RHOT1: variants seen among roughly 807,000 people sequenced by gnomAD.
RHOT1 encodes the protein ras homolog family member T1.
In RHOT1, 27 loss-of-function variants were observed where a neutral mutation model predicts 95.3. That is an observed-to-expected ratio of 0.28 (90% CI 0.21 to 0.39). RHOT1 has a LOEUF of 0.39. Among genes scored for constraint, RHOT1 ranks in the 10% least tolerant of loss-of-function variants. RHOT1 has a pLI of 1.00. For synonymous variants in RHOT1, 227 were observed against 263.5 expected (o/e 0.86, Z 1.34); for missense variants, 578 against 786.7 (o/e 0.73, Z 3.17).
intron 1 of RHOT1, among the ~76,000 whole-genome samples, chr17:32,168,849 G>C (rs1261237383): frequency 6.6e-6 from 1 of 151,962 alleles, no homozygotes; most frequent in Non-Finnish European, 1.5e-5. Context: ...ACTGTCTCTG[G>C]ATCCCAGATT....
intron 18 of RHOT1, chr17:32,209,546 T>C (rs1056720608): frequency 7.1e-6 from 5 of 701,314 alleles, no homozygotes; most frequent in Non-Finnish European, 9.7e-6. Flanking sequence ...TTAGTAATTA[T>C]GTAGAAACGC....
At chr17:32,218,093 C>T (rs1204554033) in intron 19 of RHOT1, among the ~76,000 whole-genome samples, 1 of 151,910 alleles carries the variant, frequency 6.6e-6, no homozygotes, top group Admixed American at 6.6e-5. Flanking sequence ...GAACTCCTAA[C>T]CTCATGTGAT....
intron 1 of RHOT1, chr17:32,160,084 C>T (rs2033393423): frequency 6.6e-6 from 1 of 152,272 alleles, no homozygotes; most frequent in Non-Finnish European, 1.5e-5. Flanking sequence ...AGGAACTACC[C>T]TCTCTGCTGA....
chr17:32,194,532 C>T (rs1000858574), intron 11 of RHOT1, among the ~76,000 whole-genome samples: 3 of 152,112 alleles, frequency 2.0e-5, no homozygotes, highest in African/African-American at 7.2e-5. Flanking sequence ...GAGAAATTGC[C>T]GAATGTACCC....
chr17:32,163,850 C>T (rs1051107034), intron 1 of RHOT1, among the ~76,000 whole-genome samples: 1 of 151,934 alleles, frequency 6.6e-6, no homozygotes, highest in Non-Finnish European at 1.5e-5. Context: ...CAGTGGTATC[C>T]CCAGGATGAA....
chr17:32,148,004 G>A (rs1459319261), intron 1 of RHOT1, among the ~76,000 whole-genome samples: 3 of 152,154 alleles, frequency 2.0e-5, no homozygotes, highest in East Asian at 1.9e-4. Context: ...AGTGGCTCAC[G>A]CCTGTAATCC....
chr17:32,203,269 C>CTTTTTTTTTTTTTTTTTT (rs940216011), intron 15 of RHOT1, among the ~76,000 whole-genome samples: 11 of 72,328 alleles, frequency 1.5e-4, no homozygotes, highest in Non-Finnish European at 2.3e-4. Flanking sequence ...TCTTCTTCTT[C>CTTTTTTTTTTTTTTTTTT]TTTTTTTTTT....
At chr17:32,149,631 A>ATGTGTGTGTGTGTGTGTGTGTGTG (rs1417047494) in intron 1 of RHOT1, among the ~76,000 whole-genome samples, 3 of 88,166 alleles carry the variant, frequency 3.4e-5, no homozygotes, top group African/African-American at 4.8e-5. Flanking sequence ...ATATATATAT[A>ATGTGTGTGTGTGTGTGTGTGTGTG]TATATGTGTG....
At chr17:32,219,041 G>A (rs1414477817) in intron 19 of RHOT1, among the ~76,000 whole-genome samples, 1 of 152,068 alleles carries the variant, frequency 6.6e-6, no homozygotes, top group Non-Finnish European at 1.5e-5. Context: ...AAAATTAGAA[G>A]ACCATTCACA....
chr17:32,193,046 A>AT (rs1469757482), intron 9 of RHOT1, 90 bp from the exon 10 acceptor site: 1 of 767,688 alleles, frequency 1.3e-6, no homozygotes, highest in Admixed American at 2.8e-5. Context: ...CAATTCATGG[A>AT]TTTAATATTG....
At chr17:32,160,808 G>A (rs1383815511) in intron 1 of RHOT1, among the ~76,000 whole-genome samples, 1 of 152,204 alleles carries the variant, frequency 6.6e-6, no homozygotes, top group African/African-American at 2.4e-5. Flanking sequence ...TCACCACTTT[G>A]TGCCTGGCTC....
chr17:32,167,133 C>G (rs944577556), intron 1 of RHOT1, among the ~76,000 whole-genome samples: 2 of 152,124 alleles, frequency 1.3e-5, no homozygotes, highest in African/African-American at 4.8e-5. Context: ...CCTTGTACGT[C>G]TCCATCTGAG....
chr17:32,182,923 G>GTTTTAA, intron 7 of RHOT1, 58 bp downstream of exon 7: 1 of 1,086,040 alleles, frequency 9.2e-7, no homozygotes. Flanking sequence ...CTAAATTCGG[G>GTTTTAA]TTTTAAATAG....
At chr17:32,179,675 A>G (rs1436552090) in intron 6 of RHOT1, 1 of 77,346 alleles carries the variant, frequency 1.3e-5, no homozygotes, top group Non-Finnish European at 2.5e-5. Flanking sequence ...CCGGCCGCCC[A>G]TCATCTGGGA....
At position 32,203,971 on chromosome 17, in the gene RHOT1, T is replaced by C. The variant is rs2037513419; in HGVS notation, c.1414T>C (p.Leu472=). Residue 472 remains leucine (L), a splice_region_variant and synonymous_variant, in exon 16 of 20, where the codon TTG becomes CTG. Transcript: ENST00000545287. ...TGTATATGGACAAGAGAAATACTTG[T>C]TGGTAAGAAATTCTGTGGCATACAA... is the stretch of plus-strand genomic sequence containing the variant. ...VYVYGQEKYL[L]LHDISESEFL... 1 of 1,596,950 alleles carries C rather than the reference T, an allele frequency of 6.3e-7. No homozygotes were observed. Among genetic ancestry groups the C allele is most frequent in the African/African-American group, 1.3e-5 (1 of 74,508 alleles).
intron 1 of RHOT1, among the ~76,000 whole-genome samples, chr17:32,161,646 G>C (rs1363185246): frequency 6.6e-6 from 1 of 152,158 alleles, no homozygotes. Context: ...CCTGTTCCCA[G>C]GAATGACCAG....
chr17:32,142,856 G>A, intron 1 of RHOT1, 127 bp downstream of exon 1: 1 of 865,736 alleles, frequency 1.2e-6, no homozygotes, highest in Admixed American at 2.2e-5. Flanking sequence ...TCACAGCTCC[G>A]CTCGCCTTTC....
At chr17:32,158,701 G>C (rs548495612) in intron 1 of RHOT1, among the ~76,000 whole-genome samples, 2 of 151,926 alleles carry the variant, frequency 1.3e-5, no homozygotes, top group African/African-American at 4.8e-5. Flanking sequence ...CTCGTGATCC[G>C]CCCACCTCAG....
At chr17:32,147,511 C>A (rs747061418) in intron 1 of RHOT1, among the ~76,000 whole-genome samples, 2 of 151,732 alleles carry the variant, frequency 1.3e-5, no homozygotes, top group African/African-American at 4.8e-5. Flanking sequence ...CCATTCTGGT[C>A]TTTGTTGGAA....
Sources: gnomAD v4.1 joint callset for allele counts (sites outside exome capture counted in the v4.1 genomes callset) on GRCh38, gnomAD v4.1.1 for gene constraint, MANE v1.5 for transcripts, NCBI Gene and HGNC (gene_info 2026-07-23, HGNC 2026-07-21) for gene names.